Variants in DPF3 observed in about 807,000 individuals in gnomAD.
DPF3 encodes the protein double PHD fingers 3, also known as zinc finger protein DPF3.
A neutral mutation model predicts 56.8 loss-of-function variants in DPF3; 18 were observed. That is an observed-to-expected ratio of 0.32 (90% confidence interval 0.22 to 0.47). The LOEUF (loss-of-function observed/expected upper bound fraction) is 0.47. DPF3 is among the 20% of genes least tolerant of loss of function. DPF3 has a pLI of 1.00. For synonymous variants in DPF3, 188 were observed against 180.2 expected (o/e 1.04, Z -0.35); for missense variants, 403 against 488.8 (o/e 0.82, Z 1.65).
chr14:72,880,465 C>A (rs1322151166), intron 1 of DPF3, among the ~76,000 whole-genome samples: 1 of 152,238 alleles, frequency 6.6e-6, no homozygotes, highest in African/African-American at 2.4e-5. Context: ...ACCAGCCCCT[C>A]ATAAGTCTAT....
rs543049743 is a variant in DPF3 at position 72,616,427 on chromosome 14, G to C, written c.*2870C>G. Among the ~76,000 whole-genome samples the C allele has an allele frequency of 2.6e-5, 4 of 152,170 alleles. No homozygotes were observed. In the South Asian group the frequency reaches 8.3e-4, roughly 32 times the overall value. On this transcript the variant is annotated 3_prime_UTR_variant, in exon 11 of 11. Coordinates refer to ENST00000556509, the MANE Select transcript of DPF3 (RefSeq NM_001280542.3). Reference sequence around the variant, plus strand: ...CATGCAAGTCATGATTTCCTTGGTCGCAGCCCAGCCCTGGCAATATAAACT... The same window carrying C: ...CATGCAAGTCATGATTTCCTTGGTCCCAGCCCAGCCCTGGCAATATAAACT...
intron 7 of DPF3, among the ~76,000 whole-genome samples, chr14:72,688,318 G>T (rs1319489211): frequency 9.0e-4 from 92 of 101,728 alleles, no homozygotes; most frequent in African/African-American, 4.2e-3. Context: ...TGGGTGGGTG[G>T]GTGGGTGGAT....
intron 6 of DPF3, among the ~76,000 whole-genome samples, chr14:72,711,075 T>C (rs577701228): frequency 1.3e-5 from 2 of 152,334 alleles, no homozygotes; most frequent in East Asian, 3.9e-4. Flanking sequence ...ACCACTATAT[T>C]CAGGAATGCA....
chr14:72,817,427 T>C (rs6574098), intron 1 of DPF3, among the ~76,000 whole-genome samples: 148,671 of 152,260 alleles, frequency 0.98, 72,631 homozygotes, highest in East Asian at 1. Flanking sequence ...GAGGCCAAGG[T>C]GGGTGGATCA....
chr14:72,825,331 T>G (rs189754233), intron 1 of DPF3, among the ~76,000 whole-genome samples: 15 of 152,368 alleles, frequency 9.8e-5, no homozygotes, highest in African/African-American at 3.6e-4. Flanking sequence ...CTTATTGAAT[T>G]GAATATACAG....
At chr14:72,782,707 C>A (rs1892031025) in intron 1 of DPF3, among the ~76,000 whole-genome samples, 2 of 152,156 alleles carry the variant, frequency 1.3e-5, no homozygotes, top group Non-Finnish European at 2.9e-5. Context: ...ATGGCGGACA[C>A]CTGCAGTCCC....
chr14:72,779,469 C>G (rs1891883179), intron 1 of DPF3, among the ~76,000 whole-genome samples: 1 of 152,096 alleles, frequency 6.6e-6, no homozygotes, highest in Non-Finnish European at 1.5e-5. Context: ...CAATGGTGCC[C>G]AGGTTCCTCT....
chr14:72,890,574 A>G (rs1886712630), intron 1 of DPF3, among the ~76,000 whole-genome samples: 1 of 152,082 alleles, frequency 6.6e-6, no homozygotes. Context: ...ACTAATCTAC[A>G]TGCAGGCCTT....
At chr14:72,667,147 C>A (rs1886475808) in intron 8 of DPF3, among the ~76,000 whole-genome samples, 1 of 152,042 alleles carries the variant, frequency 6.6e-6, no homozygotes, top group East Asian at 1.9e-4. Context: ...TTATTAAATT[C>A]TTCTCTCTAA....
intron 5 of DPF3, among the ~76,000 whole-genome samples, chr14:72,716,122 A>G (rs1888916104): frequency 6.6e-6 from 1 of 151,808 alleles, no homozygotes; most frequent in African/African-American, 2.4e-5. Context: ...GCAACAGCAG[A>G]CTGGGGAAGG....
At chr14:72,722,829 G>A (rs530744975) in intron 5 of DPF3, among the ~76,000 whole-genome samples, 1 of 152,262 alleles carries the variant, frequency 6.6e-6, no homozygotes, top group South Asian at 2.1e-4. Flanking sequence ...GGAAGTGCCT[G>A]ACCAGTCTCT....
chr14:72,754,399 T>C (rs540280061), intron 2 of DPF3, among the ~76,000 whole-genome samples: 1 of 152,342 alleles, frequency 6.6e-6, no homozygotes, highest in Non-Finnish European at 1.5e-5. Flanking sequence ...CAGGGACTTT[T>C]TTGTCTTGTT....
At chr14:72,807,988 C>G (rs547776692) in intron 1 of DPF3, among the ~76,000 whole-genome samples, 3 of 152,194 alleles carry the variant, frequency 2.0e-5, no homozygotes, top group Admixed American at 2.0e-4. Flanking sequence ...ACAACAACAA[C>G]AAGTAATGTG....
rs1271845209 is a variant in DPF3 at position 72,671,009 on chromosome 14, G to GA, written c.871+3230dup. 6 of 1,461,696 alleles carry GA rather than the reference G, an allele frequency of 4.1e-6. No homozygotes were observed. In the African/African-American group the frequency reaches 5.7e-5, roughly 14 times the overall value. 90.5% of individuals were successfully genotyped at this position (1,461,696 alleles called of 1,614,324 possible). A position where few individuals can be genotyped will look rare whatever the true frequency, so the allele number is the denominator to read the frequency against. On this transcript the variant is annotated intron_variant, in intron 8 of 10. Coordinates refer to ENST00000556509, the MANE Select transcript of DPF3 (RefSeq NM_001280542.3). ...TGGAGGGACACGTGGGAGGTGAAGG[G>GA]AAAAAAAGCAAGGATAGAGGGAAAA...
intron 3 of DPF3, chr14:72,742,785 G>A (rs1890179167): frequency 6.6e-6 from 1 of 152,404 alleles, no homozygotes; most frequent in Admixed American, 6.5e-5. Flanking sequence ...TCAAAAGCTG[G>A]GGAAGTTGGC....
rs1380371012 is a variant in DPF3 at position 72,616,943 on chromosome 14, A to T, written c.*2354T>A. Among the ~76,000 whole-genome samples, 6 of 152,102 alleles carry T rather than the reference A, an allele frequency of 3.9e-5. No homozygotes were observed. Among genetic ancestry groups the T allele is most frequent in the Admixed American group, 3.9e-4 (6 of 15,282 alleles). The stretch of plus-strand genomic sequence containing the variant: ...CCAGATGGGGAAACTGAGGCCTCCA[A>T]AGATGAAGAATGGGTTGGGCCCATT... On this transcript the variant is annotated 3_prime_UTR_variant, in exon 11 of 11. Coordinates refer to ENST00000556509, the MANE Select transcript of DPF3 (RefSeq NM_001280542.3).
intron 1 of DPF3, among the ~76,000 whole-genome samples, chr14:72,841,277 T>C (rs535516356): frequency 6.6e-6 from 1 of 152,202 alleles, no homozygotes; most frequent in African/African-American, 2.4e-5. Flanking sequence ...GGCACTTCTA[T>C]CTTCTGCATT....
At chr14:72,853,405 G>A (rs530256967) in intron 1 of DPF3, 1 of 150,940 alleles carries the variant, frequency 6.6e-6, no homozygotes, top group African/African-American at 2.4e-5. Context: ...TTTTCCCCAG[G>A]TGTGGTATTT....
chr14:72,636,617 C>T (rs61994426), intron 8 of DPF3, among the ~76,000 whole-genome samples: 8,216 of 152,268 alleles, frequency 0.054, 250 homozygotes, highest in Middle Eastern at 0.1. Flanking sequence ...AAGTTCAACT[C>T]CTTTATGTAT....
Sources: allele counts gnomAD v4.1 joint callset (sites outside exome capture counted in the v4.1 genomes callset), GRCh38; gene constraint gnomAD v4.1.1; transcripts MANE v1.5; gene names NCBI Gene and HGNC (gene_info 2026-07-23, HGNC 2026-07-21).